APBA2: variants seen among roughly 807,000 people sequenced by gnomAD.
APBA2 encodes amyloid beta precursor protein binding family A member 2.
APBA2 carries 30 observed loss-of-function variants against 75.0 expected under a neutral mutation model. The observed-to-expected ratio is 0.40, with a 90% CI of 0.30 to 0.54. The LOEUF is 0.54. Ranked by LOEUF, APBA2 falls within the 20% of genes least tolerant of loss-of-function variation. The pLI is 0.49. For synonymous variants in APBA2, 444 were observed against 409.6 expected (o/e 1.08, Z -1.01); for missense variants, 801 against 1,016.1 (o/e 0.79, Z 2.88).
chr15:29,048,741 C>T (rs1381618597), intron 3 of APBA2, among the ~76,000 whole-genome samples: 2 of 151,864 alleles, frequency 1.3e-5, no homozygotes, highest in East Asian at 3.9e-4. Flanking sequence ...CGAGACCATC[C>T]TGGCCAACAT....
intron 3 of APBA2, among the ~76,000 whole-genome samples, chr15:29,034,713 G>A (rs1413598347): frequency 6.6e-6 from 1 of 152,216 alleles, no homozygotes; most frequent in Non-Finnish European, 1.5e-5. Context: ...TTACCCTACA[G>A]CAGTGGCTCT....
chr15:29,104,691 G>C (rs1567017894), intron 10 of APBA2, among the ~76,000 whole-genome samples: 1 of 152,258 alleles, frequency 6.6e-6, no homozygotes, highest in Non-Finnish European at 1.5e-5. Context: ...ACTGGGTTCT[G>C]TTGCTACCGA....
At position 29,033,964 on chromosome 15, in the gene APBA2, C is replaced by CAAA. The variant is rs34808408; in HGVS notation, c.-40-19858_-40-19856dup. Reference sequence around the variant, plus strand: ...TGGGCGACAGAGTGAGACTCCATCTCAAAAAAAAAAAAAAAAAAAAAAAAA... The same window carrying CAAA: ...TGGGCGACAGAGTGAGACTCCATCTCAAAAAAAAAAAAAAAAAAAAAAAAAAAA... On this transcript the variant is annotated intron_variant, in intron 3 of 14. Coordinates refer to ENST00000683413, the MANE Select transcript of APBA2 (RefSeq NM_001353788.2). Among the ~76,000 whole-genome samples the CAAA allele has an allele frequency of 7.9e-3, 305 of 38,510 alleles. 3 individuals are homozygous for CAAA. Among genetic ancestry groups the CAAA allele is most frequent in the Middle Eastern group, 0.015 (1 of 66 alleles). 25.3% of individuals were successfully genotyped at this position (38,510 alleles called of 152,430 possible). A position where few individuals can be genotyped will look rare whatever the true frequency, so the allele number is the denominator to read the frequency against.
At chr15:29,073,596 T>G (rs150398097) in intron 4 of APBA2, among the ~76,000 whole-genome samples, 105 of 152,312 alleles carry the variant, frequency 6.9e-4, no homozygotes, top group African/African-American at 2.4e-3. Flanking sequence ...AACTGATCTG[T>G]CTGCCTTGGC....
intron 3 of APBA2, among the ~76,000 whole-genome samples, chr15:29,026,723 C>T (rs548986471): frequency 1.7e-4 from 26 of 151,424 alleles, no homozygotes; most frequent in African/African-American, 6.3e-4. Context: ...ACCATCCTAT[C>T]TAACAAGGTG....
chr15:29,105,171 C>T (rs1013566818), intron 10 of APBA2, among the ~76,000 whole-genome samples: 5 of 152,202 alleles, frequency 3.3e-5, no homozygotes, highest in South Asian at 4.2e-4. Flanking sequence ...CACTGGGGTT[C>T]GCTCACGGTG....
At chr15:29,069,977 C>T (rs1301688725) in intron 4 of APBA2, among the ~76,000 whole-genome samples, 1 of 152,142 alleles carries the variant, frequency 6.6e-6, no homozygotes, top group Admixed American at 6.5e-5. Context: ...CCCCAGTGGT[C>T]GGTGATGGAG....
intron 3 of APBA2, among the ~76,000 whole-genome samples, chr15:29,004,187 A>G (rs939122941): frequency 6.6e-6 from 1 of 152,170 alleles, no homozygotes; most frequent in African/African-American, 2.4e-5. Context: ...GATCCCTTCT[A>G]AAAGCCAAGT....
intron 2 of APBA2, among the ~76,000 whole-genome samples, chr15:28,960,197 G>C (rs1027574141): frequency 2.0e-5 from 3 of 149,776 alleles, no homozygotes; most frequent in African/African-American, 7.4e-5. Flanking sequence ...GAAGTGGCTC[G>C]TGCCTGTAAT....
intron 2 of APBA2, among the ~76,000 whole-genome samples, chr15:28,927,048 G>A (rs955471165): frequency 2.6e-5 from 4 of 151,748 alleles, no homozygotes; most frequent in African/African-American, 9.7e-5. Flanking sequence ...GCAGAGATGG[G>A]GTTTTACCAT....
chr15:28,967,753 A>G (rs1191185842), intron 2 of APBA2, among the ~76,000 whole-genome samples: 1 of 152,140 alleles, frequency 6.6e-6, no homozygotes, highest in East Asian at 1.9e-4. Context: ...CTTTATTTTT[A>G]AAATGTATTT....
intron 4 of APBA2, among the ~76,000 whole-genome samples, chr15:29,066,941 A>G (rs1404924538): frequency 6.6e-6 from 1 of 152,182 alleles, no homozygotes; most frequent in Non-Finnish European, 1.5e-5. Flanking sequence ...CAGGCTGTAG[A>G]GGAAGCATAA....
At chr15:28,891,118 T>C (rs544894959) in intron 1 of APBA2, among the ~76,000 whole-genome samples, 102 of 152,270 alleles carry the variant, frequency 6.7e-4, no homozygotes, top group Non-Finnish European at 8.7e-4. Context: ...ATGGTTTTGA[T>C]GGCGAAACCA....
intron 2 of APBA2, among the ~76,000 whole-genome samples, chr15:28,975,497 G>C (rs1419642006): frequency 2.0e-5 from 3 of 152,134 alleles, no homozygotes; most frequent in Non-Finnish European, 4.4e-5. Flanking sequence ...TCATCTACAA[G>C]CATACATTTC....
chr15:29,016,537 A>G (rs1309592254), intron 3 of APBA2, among the ~76,000 whole-genome samples: 2 of 152,182 alleles, frequency 1.3e-5, no homozygotes, highest in African/African-American at 4.8e-5. Flanking sequence ...ACTAAGTGAC[A>G]CTGGAAGTGT....
chr15:29,107,431 G>C (rs1248578645), intron 12 of APBA2, among the ~76,000 whole-genome samples: 2 of 152,188 alleles, frequency 1.3e-5, no homozygotes, highest in Non-Finnish European at 2.9e-5. Flanking sequence ...TTGTGACCCA[G>C]CTGTGGCCTG....
At chr15:29,113,738 C>A in intron 13 of APBA2, 138 bp from the exon 14 acceptor site, 1 of 1,074,078 alleles carries the variant, frequency 9.3e-7, no homozygotes, top group Non-Finnish European at 1.4e-6. Context: ...GGATCTCTGT[C>A]TGTGAGTCAG....
In APBA2 at chr15:29,117,465, G is replaced by A. The variant is rs1256418306; in HGVS notation, c.*332G>A. 2 of 382,840 alleles carry A rather than the reference G, an allele frequency of 5.2e-6. No homozygotes were observed. The highest frequency in any genetic ancestry group is 9.7e-6 in the Non-Finnish European group (2 of 205,390). The allele number at this position is 382,840 out of a possible 1,614,324, so 23.7% of individuals were successfully genotyped here. On this transcript the variant is annotated 3_prime_UTR_variant, in exon 15 of 15. Coordinates refer to ENST00000683413, the MANE Select transcript of APBA2 (RefSeq NM_001353788.2). ...GTGTGTGTCTTTCCTCCCTGAAGCTGTGCGGAGCGAACTGGCGCCTCCGAG... is the reference window on the plus strand; with the variant it reads ...GTGTGTGTCTTTCCTCCCTGAAGCTATGCGGAGCGAACTGGCGCCTCCGAG...
At chr15:29,109,947 C>G (rs1188568081) in intron 13 of APBA2, among the ~76,000 whole-genome samples, 2 of 135,006 alleles carry the variant, frequency 1.5e-5, no homozygotes, top group East Asian at 1.9e-4. Flanking sequence ...CTTGGGACTT[C>G]AGGACAGTGC....
Sources: gnomAD v4.1 joint callset for allele counts (sites outside exome capture counted in the v4.1 genomes callset) on GRCh38, gnomAD v4.1.1 for gene constraint, MANE v1.5 for transcripts, NCBI Gene and HGNC (gene_info 2026-07-23, HGNC 2026-07-21) for gene names.